The following SPON1 variants were observed in gnomAD, a reference collection of about 807,000 sequenced individuals.
SPON1 encodes spondin 1.
In SPON1, 52 loss-of-function variants were observed where a neutral mutation model predicts 111.7. The ratio of observed to expected loss-of-function variants is 0.47; its 90% CI spans 0.37 to 0.59. SPON1 has a LOEUF of 0.59. SPON1 is among the 20% of genes least tolerant of loss of function. The pLI, the probability that SPON1 is intolerant of heterozygous loss-of-function variation, is 0.00. For synonymous variants in SPON1, 410 were observed against 395.8 expected (o/e 1.04, Z -0.43); for missense variants, 957 against 1,068.5 (o/e 0.90, Z 1.46).
chr11:14,057,848 A>AAAAAAAAAAAAAAAC (rs1848758411), intron 3 of SPON1, among the ~76,000 whole-genome samples: 3 of 150,060 alleles, frequency 2.0e-5, no homozygotes, highest in Non-Finnish European at 4.5e-5. Context: ...AAAAAACAAA[A>AAAAAAAAAAAAAAAC]CAAAAACTTA....
intron 2 of SPON1, among the ~76,000 whole-genome samples, chr11:14,001,668 C>G (rs1848320102): frequency 6.6e-6 from 1 of 152,312 alleles, no homozygotes; most frequent in Non-Finnish European, 1.5e-5. Context: ...AGTATAACAA[C>G]AGTGGATTAC....
intron 2 of SPON1, among the ~76,000 whole-genome samples, chr11:13,988,582 A>G (rs1848203436): frequency 6.6e-6 from 1 of 152,310 alleles, no homozygotes; most frequent in East Asian, 1.9e-4. Context: ...TTCCAACACT[A>G]TGTTGAATAG....
At chr11:14,146,591 A>T (rs1453549295) in intron 6 of SPON1, among the ~76,000 whole-genome samples, 1 of 152,230 alleles carries the variant, frequency 6.6e-6, no homozygotes, top group Non-Finnish European at 1.5e-5. Flanking sequence ...ATAATTTTTT[A>T]AAAATTATAC....
intron 5 of SPON1, among the ~76,000 whole-genome samples, chr11:14,100,909 C>G (rs1448215597): frequency 6.6e-6 from 1 of 152,112 alleles, no homozygotes; most frequent in African/African-American, 2.4e-5. Flanking sequence ...TTCCATTGTC[C>G]AGTGTGTCCT....
chr11:14,053,214 T>C (rs781861642), intron 3 of SPON1, among the ~76,000 whole-genome samples: 5 of 152,222 alleles, frequency 3.3e-5, no homozygotes, highest in Non-Finnish European at 7.3e-5. Context: ...ACATTTATAA[T>C]GTGCAACCAC....
chr11:14,128,181 C>G (rs969747814), intron 5 of SPON1, among the ~76,000 whole-genome samples: 16 of 152,192 alleles, frequency 1.1e-4, no homozygotes, highest in African/African-American at 2.4e-5. Context: ...AGTCTCAACT[C>G]ATTCCAGCAC....
intron 1 of SPON1, among the ~76,000 whole-genome samples, chr11:13,967,411 A>G (rs1554908135): frequency 6.6e-6 from 1 of 152,146 alleles, no homozygotes; most frequent in Non-Finnish European, 1.5e-5. Context: ...TATTGGCTTC[A>G]GTGTTGCATT....
intron 6 of SPON1, among the ~76,000 whole-genome samples, chr11:14,175,724 G>A (rs1442686774): frequency 6.6e-6 from 1 of 152,260 alleles, no homozygotes; most frequent in African/African-American, 2.4e-5. Context: ...AGGTTTCTAG[G>A]TTCCCTTTCT....
intron 6 of SPON1, among the ~76,000 whole-genome samples, chr11:14,173,878 G>T (rs183670801): frequency 1.3e-5 from 2 of 148,824 alleles, no homozygotes; most frequent in East Asian, 3.9e-4. Flanking sequence ...GCACCTGGCC[G>T]TGTGAGGTGT....
intron 6 of SPON1, among the ~76,000 whole-genome samples, chr11:14,145,694 C>A (rs532065894): frequency 6.6e-6 from 1 of 152,100 alleles, no homozygotes; most frequent in East Asian, 1.9e-4. Flanking sequence ...AGGAATATGT[C>A]TTTCTGAAAT....
chr11:14,099,492 T>G (rs1165025619), intron 5 of SPON1, among the ~76,000 whole-genome samples: 1 of 152,178 alleles, frequency 6.6e-6, no homozygotes, highest in African/African-American at 2.4e-5. Context: ...ATTTTCTTAG[T>G]GTAGCTCTGA....
At chr11:14,192,687 G>A (rs1848359640) in intron 6 of SPON1, among the ~76,000 whole-genome samples, 1 of 152,050 alleles carries the variant, frequency 6.6e-6, no homozygotes, top group Non-Finnish European at 1.5e-5. Flanking sequence ...AACAGACCTG[G>A]TAAGGCCAGG....
chr11:14,062,830 T>A (rs1848801505), intron 3 of SPON1, among the ~76,000 whole-genome samples: 1 of 152,190 alleles, frequency 6.6e-6, no homozygotes, highest in African/African-American at 2.4e-5. Context: ...ACTCATCCAT[T>A]TACAAACAAA....
chr11:14,155,303 C>G (rs1847830944), intron 6 of SPON1, among the ~76,000 whole-genome samples: 1 of 152,222 alleles, frequency 6.6e-6, no homozygotes, highest in South Asian at 2.1e-4. Flanking sequence ...AAAGAACTGT[C>G]TGAGACTGGG....
chr11:14,194,671 T>C (rs1206948567), intron 6 of SPON1, among the ~76,000 whole-genome samples: 12 of 152,212 alleles, frequency 7.9e-5, no homozygotes, highest in African/African-American at 2.9e-4. Context: ...TCTTCTTTCC[T>C]GCTCTGGTAA....
At chr11:14,002,769 C>A (rs1257810173) in intron 2 of SPON1, among the ~76,000 whole-genome samples, 2 of 152,064 alleles carry the variant, frequency 1.3e-5, no homozygotes, top group African/African-American at 4.8e-5. Context: ...CAGGCATCCA[C>A]CAAGGGGAGA....
chr11:14,255,026 G>T (rs1298296650), intron 8 of SPON1, among the ~76,000 whole-genome samples: 3 of 152,194 alleles, frequency 2.0e-5, no homozygotes, highest in Non-Finnish European at 4.4e-5. Flanking sequence ...GGGCTAAGGA[G>T]TTTGCATTCT....
intron 6 of SPON1, among the ~76,000 whole-genome samples, chr11:14,207,898 G>A (rs187493563): frequency 9.9e-5 from 15 of 152,246 alleles, no homozygotes; most frequent in South Asian, 2.1e-4. Flanking sequence ...AAAGACACAC[G>A]TACACGTATG....
Position 13,962,749 on chromosome 11 carries a change from A to AGCCGAGGCGGGCACGGTC in SPON1, c.-155_-138dup, listed in dbSNP as rs1847982078. On this transcript the variant is annotated 5_prime_UTR_variant, in exon 1 of 16. Transcript: ENST00000576479. ...GCTCAGCGCAGCTCCGCGGCCGCCA[A>AGCCGAGGCGGGCACGGTC]GCCGAGGCGGGCACGGTCTCCGAGT... is the stretch of plus-strand genomic sequence containing the variant. 4 of 670,062 alleles carry AGCCGAGGCGGGCACGGTC rather than the reference A, an allele frequency of 6.0e-6. No homozygotes were observed. Among genetic ancestry groups the AGCCGAGGCGGGCACGGTC allele is most frequent in the Admixed American group, 7.6e-5 (2 of 26,190 alleles). 41.5% of individuals were successfully genotyped at this position (670,062 alleles called of 1,614,324 possible). A position where few individuals can be genotyped will look rare whatever the true frequency, so the allele number is the denominator to read the frequency against.
Sources: allele counts gnomAD v4.1 joint callset (sites outside exome capture counted in the v4.1 genomes callset), GRCh38; gene constraint gnomAD v4.1.1; transcripts MANE v1.5; gene names NCBI Gene and HGNC (gene_info 2026-07-23, HGNC 2026-07-21).